KLF12: variants seen among roughly 807,000 people sequenced by gnomAD.
The protein encoded by KLF12 is Krueppel-like factor 12.
A neutral mutation model predicts 37.8 loss-of-function variants in KLF12; 9 were observed. That is an observed-to-expected ratio of 0.24 (90% confidence interval 0.14 to 0.42). The LOEUF (loss-of-function observed/expected upper bound fraction) is 0.42. Among genes scored for constraint, KLF12 ranks in the 10% least tolerant of loss-of-function variants. The pLI is 1.00. For missense variants in KLF12, 411 were observed against 516.0 expected, an observed-to-expected ratio of 0.80 and a Z score of 1.97; for synonymous variants, 208 against 202.1, an observed-to-expected ratio of 1.03 and a Z score of -0.25.
At chr13:73,832,322 C>T (rs893681849) in intron 4 of KLF12, among the ~76,000 whole-genome samples, 1 of 152,146 alleles carries the variant, frequency 6.6e-6, no homozygotes, top group African/African-American at 2.4e-5. Flanking sequence ...ATGCCACCTA[C>T]TCTCCCCTTC....
intron 1 of KLF12, among the ~76,000 whole-genome samples, chr13:74,071,615 C>T (rs1416800463): frequency 6.6e-6 from 1 of 152,146 alleles, no homozygotes; most frequent in East Asian, 1.9e-4. Flanking sequence ...ATGGCGTGAA[C>T]TCGGGAGGCG....
the KLF12 span, among the ~76,000 whole-genome samples, chr13:74,252,981 A>G: frequency 1.6e-4 from 4 of 25,008 alleles, no homozygotes; most frequent in South Asian, 1.8e-3. Flanking sequence ...TCATCTGTCT[A>G]TCTATCTATC....
chr13:73,951,606 A>G (rs1048907405), intron 2 of KLF12, among the ~76,000 whole-genome samples: 5 of 152,204 alleles, frequency 3.3e-5, no homozygotes, highest in Non-Finnish European at 7.3e-5. Context: ...ACCACGGCTG[A>G]GGTGGAAGCA....
chr13:74,246,647 T>C, the KLF12 span, among the ~76,000 whole-genome samples: 1 of 152,122 alleles, frequency 6.6e-6, no homozygotes, highest in Non-Finnish European at 1.5e-5. Context: ...CCGTGATGCC[T>C]CTCCAGAAAC....
intron 5 of KLF12, among the ~76,000 whole-genome samples, chr13:73,778,133 C>CAA (rs781127764): frequency 3.1e-5 from 3 of 96,078 alleles, no homozygotes; most frequent in Admixed American, 9.6e-5. Context: ...AAACTCTGTC[C>CAA]AAAAAAAAAA....
the KLF12 span, among the ~76,000 whole-genome samples, chr13:74,252,227 G>C: frequency 1.3e-5 from 2 of 152,194 alleles, no homozygotes; most frequent in African/African-American, 4.8e-5. Flanking sequence ...TCTGGTTGCT[G>C]CGCTTCACCT....
chr13:73,721,951 C>T (rs1876296042), intron 6 of KLF12, among the ~76,000 whole-genome samples: 1 of 152,132 alleles, frequency 6.6e-6, no homozygotes, highest in South Asian at 2.1e-4. Context: ...TCTTCCTTGA[C>T]CATTAATGCC....
intron 2 of KLF12, among the ~76,000 whole-genome samples, chr13:73,974,681 A>G (rs2138133428): frequency 6.6e-6 from 1 of 152,330 alleles, no homozygotes; most frequent in Admixed American, 6.5e-5. Flanking sequence ...TATTAAGTCA[A>G]TTGGAACTTA....
intron 7 of KLF12, among the ~76,000 whole-genome samples, chr13:73,712,153 A>C (rs994753246): frequency 6.6e-6 from 1 of 152,006 alleles, no homozygotes; most frequent in Non-Finnish European, 1.5e-5. Context: ...AGCCTGACCA[A>C]CATGAAGAAA....
At position 73,851,571 on chromosome 13, in the gene KLF12, T is replaced by C. The variant is rs190014349; in HGVS notation, c.124-5198A>G. Among the ~76,000 whole-genome samples, 99 of 152,344 alleles carry C rather than the reference T, an allele frequency of 6.5e-4. 1 individual carries two copies. The highest frequency in any genetic ancestry group is 1.3e-3 in the Non-Finnish European group (88 of 68,020). On this transcript the variant is annotated intron_variant, in intron 3 of 7. Transcript: ENST00000377669. ...ACTTAAATCAATCCACACTTCAGTG[T>C]GCATCCATTATGACAATAATATAAC... is the stretch of plus-strand genomic sequence containing the variant.
intron 5 of KLF12, among the ~76,000 whole-genome samples, chr13:73,771,594 T>C (rs1284399087): frequency 2.0e-5 from 3 of 152,228 alleles, no homozygotes; most frequent in Non-Finnish European, 2.9e-5. Context: ...GCATCAGTAA[T>C]TGAACATTAT....
intron 2 of KLF12, among the ~76,000 whole-genome samples, chr13:73,964,598 T>C (rs1315624738): frequency 1.8e-5 from 2 of 109,310 alleles, no homozygotes; most frequent in South Asian, 3.8e-4. Flanking sequence ...TGAAACTCCG[T>C]CTCTACTTAA....
intron 6 of KLF12, among the ~76,000 whole-genome samples, chr13:73,730,199 T>C (rs907508041): frequency 6.6e-6 from 1 of 152,210 alleles, no homozygotes; most frequent in Non-Finnish European, 1.5e-5. Context: ...TGACTGCCTC[T>C]GTGCTGCTCA....
intron 2 of KLF12, among the ~76,000 whole-genome samples, chr13:73,986,944 T>C (rs977659543): frequency 7.2e-5 from 11 of 152,182 alleles, no homozygotes; most frequent in Non-Finnish European, 1.5e-4. Context: ...TTGTGTTTTT[T>C]TTTCAAAACC....
the KLF12 span, among the ~76,000 whole-genome samples, chr13:74,254,065 A>G: frequency 1.3e-5 from 2 of 152,100 alleles, no homozygotes; most frequent in Non-Finnish European, 2.9e-5. Context: ...TAAAGCCTTG[A>G]ATTATCTTTT....
chr13:73,826,221 C>T (rs996019215), intron 4 of KLF12, among the ~76,000 whole-genome samples: 13 of 152,112 alleles, frequency 8.5e-5, no homozygotes, highest in African/African-American at 3.1e-4. Context: ...GATCTGCCCG[C>T]CTCGGCCTCC....
At chr13:74,218,789 A>G in the KLF12 span, among the ~76,000 whole-genome samples, 1 of 152,222 alleles carries the variant, frequency 6.6e-6, no homozygotes, top group Admixed American at 6.5e-5. Context: ...TAAAGTCTCA[A>G]TAAATATGAG....
chr13:74,229,126 T>C, the KLF12 span, among the ~76,000 whole-genome samples: 1 of 152,194 alleles, frequency 6.6e-6, no homozygotes, highest in Non-Finnish European at 1.5e-5. Flanking sequence ...TGAGTTGGGA[T>C]AGTACTGGAT....
chr13:73,952,808 G>C (rs1427374261), intron 2 of KLF12, among the ~76,000 whole-genome samples: 1 of 152,188 alleles, frequency 6.6e-6, no homozygotes, highest in Non-Finnish European at 1.5e-5. Flanking sequence ...GACAGGACTA[G>C]AAGCAATTTG....
Sources: allele counts gnomAD v4.1 joint callset (sites outside exome capture counted in the v4.1 genomes callset), GRCh38; gene constraint gnomAD v4.1.1; transcripts MANE v1.5; gene names NCBI Gene and HGNC (gene_info 2026-07-23, HGNC 2026-07-21).